ZNF717: variants seen among roughly 807,000 people sequenced by gnomAD.
ZNF717 encodes krueppel-like factor X17.
Under a neutral mutation model 13.8 loss-of-function variants are expected in ZNF717, and 9 were observed. That is an observed-to-expected ratio of 0.65 (90% CI 0.39 to 1.14). The LOEUF (loss-of-function observed/expected upper bound fraction) is 1.14, where lower values mean the gene tolerates loss of function less well. Among genes scored for constraint, ZNF717 ranks in the 50% most tolerant of loss-of-function variants. The pLI is 0.01. For missense variants in ZNF717, 1,040 were observed against 1,080.7 expected (o/e 0.96, Z 0.53); for synonymous variants, 327 against 364.1 (o/e 0.90, Z 1.16).
chr3:75,745,839 CTTTT>C (rs200052283), intron 2 of ZNF717, among the ~76,000 whole-genome samples: 5 of 150,596 alleles, frequency 3.3e-5, no homozygotes, highest in Admixed American at 2.7e-4. Flanking sequence ...CATTTTCTTT[CTTTT>C]TTTAATATAT....
chr3:75,735,286 A>T (rs1939022925), downstream of ZNF717, among the ~76,000 whole-genome samples: 1 of 152,200 alleles, frequency 6.6e-6, no homozygotes, highest in Non-Finnish European at 1.5e-5. Context: ...TTGAAGGTGG[A>T]CTTGGATTTG....
At chr3:75,749,549 C>T (rs1253194212) in intron 2 of ZNF717, among the ~76,000 whole-genome samples, 11 of 151,990 alleles carry the variant, frequency 7.2e-5, no homozygotes, top group African/African-American at 2.7e-4. Context: ...ATATTTCTTC[C>T]TCACATAGGA....
chr3:75,782,633 G>A (rs1944897492), intron 2 of ZNF717, among the ~76,000 whole-genome samples: 2 of 151,744 alleles, frequency 1.3e-5, no homozygotes, highest in Admixed American at 1.3e-4. Context: ...TGCTTTAGCG[G>A]CAGATGACCA....
intron 2 of ZNF717, among the ~76,000 whole-genome samples, chr3:75,759,483 GC>G (rs1190701436): frequency 6.6e-6 from 1 of 152,138 alleles, no homozygotes; most frequent in Non-Finnish European, 1.5e-5. Context: ...CACTGTGTTA[GC>G]CCGGATGGTC....
chr3:75,712,494 T>A lies in ZNF717; in HGVS notation n.668-1178A>T, dbSNP rs1355471037. ...TAAATTAATTTTCAGAAGAATTTAA[T>A]TTTCTTCTGATTGTAACCAACTTGG... is the stretch of plus-strand genomic sequence containing the variant. On this transcript the variant is annotated intron_variant and non_coding_transcript_variant, in intron 5 of 5. Transcript: ENST00000491507. Among the ~76,000 whole-genome samples the A allele has an allele frequency of 1.4e-4, 21 of 152,274 alleles. No homozygotes were observed. In the South Asian group the frequency reaches 4.4e-3, roughly 32 times the overall value.
chr3:75,744,693 C>A (rs1483303275), intron 2 of ZNF717, among the ~76,000 whole-genome samples: 7 of 152,180 alleles, frequency 4.6e-5, no homozygotes, highest in Non-Finnish European at 1.0e-4. Flanking sequence ...TCTCATGGAG[C>A]TTCACCAGGC....
intron 4 of ZNF717, among the ~76,000 whole-genome samples, chr3:75,740,570 A>ACT: frequency 8.0e-6 from 1 of 125,038 alleles, no homozygotes; most frequent in Middle Eastern, 4.2e-3. Flanking sequence ...GTACTCAGCT[A>ACT]TTTTTTTTTT....
chr3:75,749,267 T>C (rs1450925936), intron 2 of ZNF717, among the ~76,000 whole-genome samples: 1 of 151,914 alleles, frequency 6.6e-6, no homozygotes, highest in African/African-American at 2.4e-5. Context: ...TTCCCTCACT[T>C]AGGATTACAG....
At chr3:75,765,805 A>G (rs1211695379) in intron 2 of ZNF717, among the ~76,000 whole-genome samples, 1 of 152,250 alleles carries the variant, frequency 6.6e-6, no homozygotes, top group Non-Finnish European at 1.5e-5. Flanking sequence ...AAGAATATAT[A>G]GAAGATCAAA....
At chr3:75,721,573 G>A (rs1325896055) in intron 4 of ZNF717, among the ~76,000 whole-genome samples, 2 of 152,236 alleles carry the variant, frequency 1.3e-5, no homozygotes, top group South Asian at 2.1e-4. Context: ...GAGCCCCCAC[G>A]CCTGGCCTGA....
intron 2 of ZNF717, among the ~76,000 whole-genome samples, chr3:75,765,035 ATGTGTGTGTGTGTGTG>A (rs150835839): frequency 3.7e-5 from 3 of 81,794 alleles, no homozygotes; most frequent in Admixed American, 1.3e-4. Context: ...ATATATGTAT[ATGTGTGTGTGTGTGTG>A]TGTGTGTATA....
chr3:75,713,710 C>T (rs75854279), intron 5 of ZNF717, among the ~76,000 whole-genome samples: 3 of 152,004 alleles, frequency 2.0e-5, no homozygotes, highest in Non-Finnish European at 1.5e-5. Context: ...TTTTTCTCCC[C>T]ATGTGTGGAG....
intron 2 of ZNF717, among the ~76,000 whole-genome samples, chr3:75,743,625 TA>T (rs1421116246): frequency 1.3e-5 from 2 of 152,078 alleles, no homozygotes; most frequent in Non-Finnish European, 2.9e-5. Flanking sequence ...CAGAAGGGAG[TA>T]AAGAGGAAGA....
At chr3:75,703,555 A>C (rs1378051533) in intron 6 of ZNF717, among the ~76,000 whole-genome samples, 7 of 152,204 alleles carry the variant, frequency 4.6e-5, no homozygotes, top group African/African-American at 1.7e-4. Flanking sequence ...TAAATAAATA[A>C]ATAAAAATAA....
downstream of ZNF717, among the ~76,000 whole-genome samples, chr3:75,733,101 T>C (rs1938728400): frequency 6.6e-6 from 1 of 152,172 alleles, no homozygotes; most frequent in African/African-American, 2.4e-5. Context: ...ATGTCTTTGA[T>C]TGGCTTATTA....
downstream of ZNF717, among the ~76,000 whole-genome samples, chr3:75,733,798 A>AAAAAAG (rs1466437540): frequency 4.8e-4 from 57 of 118,764 alleles, no homozygotes; most frequent in Non-Finnish European, 7.1e-4. Context: ...AAAAAAAAAA[A>AAAAAAG]AATTACATTC....
intron 4 of ZNF717, among the ~76,000 whole-genome samples, chr3:75,724,127 G>C (rs111352663): frequency 6.6e-6 from 1 of 152,074 alleles, no homozygotes; most frequent in Non-Finnish European, 1.5e-5. Flanking sequence ...CCGGTAGACA[G>C]GAGACCCACG....
At chr3:75,719,066 G>C (rs1254912563) in intron 4 of ZNF717, among the ~76,000 whole-genome samples, 2 of 152,158 alleles carry the variant, frequency 1.3e-5, no homozygotes, top group African/African-American at 4.8e-5. Flanking sequence ...AGCTGAGGCA[G>C]GAGGATCCTT....
downstream of ZNF717, chr3:75,709,568 A>C (rs1276552857): frequency 2.6e-5 from 4 of 152,252 alleles, no homozygotes; most frequent in African/African-American, 4.8e-5. Context: ...ACAAAAATCA[A>C]TAACAATCGT....
Sources: allele counts gnomAD v4.1 joint callset (sites outside exome capture counted in the v4.1 genomes callset), GRCh38; gene constraint gnomAD v4.1.1; transcripts MANE v1.5; gene names NCBI Gene and HGNC (gene_info 2026-07-23, HGNC 2026-07-21).